EPC2: variants seen among roughly 807,000 people sequenced by gnomAD.
The protein encoded by EPC2 is enhancer of polycomb homolog 2.
EPC2 carries 14 observed loss-of-function variants against 92.1 expected under a neutral mutation model. The ratio of observed to expected loss-of-function variants is 0.15; its 90% CI spans 0.10 to 0.24. EPC2 has a LOEUF of 0.24. Among genes scored for constraint, EPC2 ranks in the 10% least tolerant of loss-of-function variants. The pLI is 1.00. For missense variants in EPC2, 755 were observed against 971.5 expected (o/e 0.78, Z 2.96); for synonymous variants, 340 against 334.7 (o/e 1.02, Z -0.17).
intron 10 of EPC2, among the ~76,000 whole-genome samples, chr2:148,777,609 T>A (rs1212559854): frequency 6.6e-6 from 1 of 152,186 alleles, no homozygotes; most frequent in African/African-American, 2.4e-5. Context: ...TAAAGCTTTA[T>A]AATCATTATG....
At chr2:148,660,410 C>T (rs1018694219) in intron 1 of EPC2, among the ~76,000 whole-genome samples, 2 of 151,940 alleles carry the variant, frequency 1.3e-5, no homozygotes, top group African/African-American at 4.8e-5. Flanking sequence ...AGTCATTTTC[C>T]AAAACAAGAG....
At chr2:148,700,689 A>AG (rs1681856287) in intron 2 of EPC2, among the ~76,000 whole-genome samples, 8 of 122,250 alleles carry the variant, frequency 6.5e-5, no homozygotes, top group Non-Finnish European at 1.2e-4. Context: ...TGCCCTTTTT[A>AG]CTTTTTTTTT....
chr2:148,645,285 T>TA (rs1683771141), intron 1 of EPC2, 115 bp downstream of exon 1: 5 of 937,890 alleles, frequency 5.3e-6, no homozygotes, highest in Non-Finnish European at 6.3e-6. Flanking sequence ...GCTGCCGCTC[T>TA]AACGCACGGG....
intron 1 of EPC2, among the ~76,000 whole-genome samples, chr2:148,673,873 A>T (rs1371803247): frequency 6.6e-6 from 1 of 152,184 alleles, no homozygotes; most frequent in Admixed American, 6.5e-5. Context: ...GGCGTGAGCC[A>T]CCACGCCTGG....
At chr2:148,772,340 A>T (rs892058708) in intron 10 of EPC2, among the ~76,000 whole-genome samples, 6 of 152,156 alleles carry the variant, frequency 3.9e-5, no homozygotes, top group Non-Finnish European at 7.4e-5. Context: ...TATGCATTGT[A>T]TCCCAAGACT....
chr2:148,675,823 T>A (rs1681251995), intron 1 of EPC2, among the ~76,000 whole-genome samples: 1 of 152,208 alleles, frequency 6.6e-6, no homozygotes, highest in African/African-American at 2.4e-5. Flanking sequence ...GTAGAGTATA[T>A]AAGTATAGGC....
chr2:148,765,330 GT>G (rs1683387875), intron 7 of EPC2, among the ~76,000 whole-genome samples, 184 bp downstream of exon 7: 2 of 152,070 alleles, frequency 1.3e-5, no homozygotes, highest in Admixed American at 1.3e-4. Flanking sequence ...CTTTTCATCA[GT>G]TGTATAGAAT....
Position 148,776,856 on chromosome 2 carries a change from C to CTT in EPC2, c.1721-4767_1721-4766dup, listed in dbSNP as rs56073706. 2.0e-4 allele frequency among the ~76,000 whole-genome samples: 20 copies of CTT among 101,030 alleles called. 1 individual carries two copies. Among genetic ancestry groups the CTT allele is most frequent in the Admixed American group, 3.6e-4 (3 of 8,282 alleles). 66.3% of individuals were successfully genotyped at this position (101,030 alleles called of 152,430 possible). ...ACATAGCAAGACCCTGTCTCTCTCT[C>CTT]TTTTTTTTTTTTTTTTTTTTTTGAG... On this transcript the variant is annotated intron_variant, in intron 10 of 13. Transcript: ENST00000258484.
chr2:148,651,343 T>C (rs534078430), intron 1 of EPC2, among the ~76,000 whole-genome samples: 1 of 152,196 alleles, frequency 6.6e-6, no homozygotes, highest in Non-Finnish European at 1.5e-5. Flanking sequence ...ACCATATCAT[T>C]CCCCTGTTTT....
At chr2:148,690,413 ATTTATC>A in intron 2 of EPC2, 40 bp downstream of exon 2, 1 of 1,518,388 alleles carries the variant, frequency 6.6e-7, no homozygotes, top group Non-Finnish European at 8.8e-7. Flanking sequence ...TGTACTTTAA[ATTTATC>A]AACCAGTGGA....
At chr2:148,754,340 T>A (rs1683140743) in intron 4 of EPC2, among the ~76,000 whole-genome samples, 1 of 152,204 alleles carries the variant, frequency 6.6e-6, no homozygotes, top group African/African-American at 2.4e-5. Context: ...TACTTTTCAG[T>A]AGCTTCTATT....
At chr2:148,707,202 T>G (rs1361470495) in intron 2 of EPC2, among the ~76,000 whole-genome samples, 12 of 151,962 alleles carry the variant, frequency 7.9e-5, no homozygotes. Context: ...GCAATCCTAG[T>G]CTCCGATAAA....
At chr2:148,749,986 G>A (rs1425358630) in intron 3 of EPC2, among the ~76,000 whole-genome samples, 1 of 152,088 alleles carries the variant, frequency 6.6e-6, no homozygotes, top group Non-Finnish European at 1.5e-5. Flanking sequence ...GAGAAGGTTA[G>A]TTTCAGCATC....
chr2:148,647,154 A>T (rs1296749943), intron 1 of EPC2, among the ~76,000 whole-genome samples: 2 of 152,216 alleles, frequency 1.3e-5, no homozygotes, highest in Non-Finnish European at 2.9e-5. Context: ...GTGAACAGTT[A>T]ACTCCTGGAA....
At chr2:148,710,024 G>A (rs1187306373) in intron 2 of EPC2, among the ~76,000 whole-genome samples, 1 of 152,166 alleles carries the variant, frequency 6.6e-6, no homozygotes, top group Non-Finnish European at 1.5e-5. Context: ...AAGAGCTTCT[G>A]CACAGCAAAA....
In EPC2 at chr2:148,673,087, G is replaced by C. The variant is rs1204974022; in HGVS notation, c.154-17127G>C. Among the ~76,000 whole-genome samples the C allele has an allele frequency of 2.6e-5, 4 of 152,244 alleles. No individual in the cohort carries two copies. In the East Asian group the frequency reaches 7.7e-4, roughly 29 times the overall value. ...ATGAGCTCTCCCTTGTACATGACAA[G>C]TTGTTTTTCTCTTACTTTCAAGATT... On this transcript the variant is annotated intron_variant, in intron 1 of 13. Coordinates refer to ENST00000258484, the MANE Select transcript of EPC2 (RefSeq NM_015630.4).
intron 2 of EPC2, among the ~76,000 whole-genome samples, chr2:148,712,878 A>G (rs1306675962): frequency 6.6e-6 from 1 of 151,942 alleles, no homozygotes; most frequent in Non-Finnish European, 1.5e-5. Context: ...GTGAGATCCC[A>G]TCTAAAAAAG....
chr2:148,710,151 G>GA (rs1367865387), intron 2 of EPC2, among the ~76,000 whole-genome samples: 2 of 152,086 alleles, frequency 1.3e-5, no homozygotes, highest in Admixed American at 6.6e-5. Flanking sequence ...AAATTTGCAA[G>GA]AAAAAAATCA....
chr2:148,713,821 T>A (rs1280897304), intron 2 of EPC2, among the ~76,000 whole-genome samples: 1 of 152,236 alleles, frequency 6.6e-6, no homozygotes, highest in Non-Finnish European at 1.5e-5. Context: ...AGGTTGTACC[T>A]TTAGGTTTGT....
Sources: gnomAD v4.1 joint callset for allele counts (sites outside exome capture counted in the v4.1 genomes callset) on GRCh38, gnomAD v4.1.1 for gene constraint, MANE v1.5 for transcripts, NCBI Gene and HGNC (gene_info 2026-07-23, HGNC 2026-07-21) for gene names.